Variants in MS4A4E observed in about 807,000 individuals in gnomAD.
The protein encoded by MS4A4E is putative membrane-spanning 4-domains subfamily A member 4E.
A neutral mutation model predicts 13.3 loss-of-function variants in MS4A4E; 23 were observed. The ratio of observed to expected loss-of-function variants is 1.73; its 90% confidence interval spans 1.25 to 2.45. The LOEUF is 2.45. Among genes scored for constraint, MS4A4E ranks in the 30% most tolerant of loss-of-function variants. MS4A4E has a pLI of 0.00. For missense variants in MS4A4E, 144 were observed against 131.2 expected (o/e 1.10, Z -0.48); for synonymous variants, 36 against 45.6 (o/e 0.79, Z 0.85).
intron 5 of MS4A4E, among the ~76,000 whole-genome samples, chr11:60,212,625 C>A (rs1030648532): frequency 1.3e-5 from 2 of 152,178 alleles, no homozygotes; most frequent in African/African-American, 4.8e-5. Context: ...GACTTTTTGA[C>A]GCCATTTTTA....
At chr11:60,236,151 C>T (rs541990259) in intron 1 of MS4A4E, among the ~76,000 whole-genome samples, 7 of 152,232 alleles carry the variant, frequency 4.6e-5, no homozygotes, top group Middle Eastern at 6.8e-3. Flanking sequence ...CAATTCTATT[C>T]CATTGTTCTA....
intron 1 of MS4A4E, among the ~76,000 whole-genome samples, chr11:60,238,577 A>C (rs1169913239): frequency 6.6e-6 from 1 of 152,058 alleles, no homozygotes; most frequent in Non-Finnish European, 1.5e-5. Context: ...AATATAGCTA[A>C]AGGTTTTTCA....
At position 60,222,858 on chromosome 11, in the gene MS4A4E, A is replaced by G. The variant is rs150088195; in HGVS notation, c.178+5736T>C. Among the ~76,000 whole-genome samples, 757 of 152,296 alleles carry G rather than the reference A, an allele frequency of 5.0e-3. 1 individual carries two copies. The highest frequency in any genetic ancestry group is 0.01 in the Middle Eastern group (3 of 294). ...GGTGACTGACCTGGACTATCAAGAT[A>G]AAATTAGTCTACTACTCCACAATGG... On this transcript the variant is annotated intron_variant, in intron 3 of 8. Transcript: ENST00000651255.
At chr11:60,218,499 G>A (rs1347176695) in intron 3 of MS4A4E, among the ~76,000 whole-genome samples, 2 of 152,076 alleles carry the variant, frequency 1.3e-5, no homozygotes, top group African/African-American at 4.8e-5. Context: ...GTCTTCCCTG[G>A]ATGCCCAGCT....
intron 3 of MS4A4E, among the ~76,000 whole-genome samples, chr11:60,228,227 G>A (rs972130236): frequency 5.3e-5 from 8 of 152,014 alleles, no homozygotes; most frequent in East Asian, 1.9e-4. Context: ...AATATACAAC[G>A]AAATTCAAAC....
At chr11:60,229,855 G>T in intron 2 of MS4A4E, 57 bp downstream of exon 2, 1 of 1,529,308 alleles carries the variant, frequency 6.5e-7, no homozygotes, top group Non-Finnish European at 8.8e-7. Context: ...CATTAGCTCT[G>T]ATCAAATGTG....
rs186888255 is a variant in MS4A4E at position 60,227,535 on chromosome 11, C to T, written c.178+1059G>A. Among the ~76,000 whole-genome samples the T allele has an allele frequency of 3.2e-4, 49 of 151,856 alleles. 1 individual carries two copies. Among genetic ancestry groups the T allele is most frequent in the South Asian group, 1.2e-3 (6 of 4,808 alleles). On this transcript the variant is annotated intron_variant, in intron 3 of 8. Coordinates refer to ENST00000651255, the MANE Select transcript of MS4A4E (RefSeq NM_001393391.1). The stretch of plus-strand genomic sequence containing the variant: ...CACTGCACTCCAGCCTGGGTGACAG[C>T]GCCAGACTCCATCTCAAAATATATA...
chr11:60,225,142 T>G (rs1590720477), intron 3 of MS4A4E: 8 of 1,430,598 alleles, frequency 5.6e-6, no homozygotes, highest in Non-Finnish European at 7.4e-6. Flanking sequence ...AAAATGGTGC[T>G]TATGCCACTC....
rs113637568 is a variant in MS4A4E at position 60,236,871 on chromosome 11, G to A, written c.-17+6087C>T. On this transcript the variant is annotated intron_variant, in intron 1 of 8. Coordinates refer to ENST00000651255, the MANE Select transcript of MS4A4E (RefSeq NM_001393391.1). ...CCTGCCTCAGCCTCCCGAATACCTGGGACTACAGGCATGCACCACCACGCC... is the reference window on the plus strand; with the variant it reads ...CCTGCCTCAGCCTCCCGAATACCTGAGACTACAGGCATGCACCACCACGCC... Among the ~76,000 whole-genome samples the A allele has an allele frequency of 3.7e-3, 566 of 151,960 alleles. 4 individuals carry two copies. Among genetic ancestry groups the A allele is most frequent in the African/African-American group, 0.013 (556 of 41,452 alleles).
intron 2 of MS4A4E, among the ~76,000 whole-genome samples, chr11:60,229,505 T>C (rs918358043): frequency 1.3e-5 from 2 of 152,130 alleles, no homozygotes; most frequent in African/African-American, 4.8e-5. Context: ...GAATAGCAGA[T>C]TTTTCATCCT....
chr11:60,225,661 C>G (rs189704091), intron 3 of MS4A4E, among the ~76,000 whole-genome samples: 21 of 151,706 alleles, frequency 1.4e-4, no homozygotes, highest in African/African-American at 5.1e-4. Flanking sequence ...GAAAGCAGTG[C>G]TTAGAAAAAA....
At chr11:60,224,924 A>G (rs1283621463) in intron 3 of MS4A4E, 6 of 1,445,280 alleles carry the variant, frequency 4.2e-6, no homozygotes, top group Non-Finnish European at 5.5e-6. Flanking sequence ...TTACACCTCT[A>G]TTATGTTATA....
chr11:60,205,941 G>A (rs2084033869), intron 6 of MS4A4E, among the ~76,000 whole-genome samples, 121 bp from the exon 7 acceptor site: 1 of 152,160 alleles, frequency 6.6e-6, no homozygotes, highest in Admixed American at 6.5e-5. Context: ...AGAAGGTGGG[G>A]GAAGGGAGAG....
chr11:60,216,752 G>A (rs1490533333), intron 3 of MS4A4E, among the ~76,000 whole-genome samples: 18 of 152,148 alleles, frequency 1.2e-4, no homozygotes, highest in Non-Finnish European at 1.2e-4. Flanking sequence ...GTGTGTCTGT[G>A]AGGGTGTTGA....
At chr11:60,205,352 G>A (rs1225551966) in intron 7 of MS4A4E, among the ~76,000 whole-genome samples, 2 of 152,034 alleles carry the variant, frequency 1.3e-5, no homozygotes, top group South Asian at 2.1e-4. Flanking sequence ...CTTATTCACC[G>A]CTATTTTCTT....
intron 8 of MS4A4E, among the ~76,000 whole-genome samples, chr11:60,203,947 CATA>C (rs1265063436): frequency 2.0e-5 from 3 of 152,140 alleles, no homozygotes; most frequent in Non-Finnish European, 4.4e-5. Flanking sequence ...AAGTTGAAAT[CATA>C]ATATTTTGCA....
intron 1 of MS4A4E, among the ~76,000 whole-genome samples, chr11:60,234,766 C>A (rs2084458467): frequency 7.2e-6 from 1 of 138,252 alleles, no homozygotes; most frequent in African/African-American, 2.7e-5. Flanking sequence ...AAACAAATAT[C>A]TACAAAAACA....
chr11:60,207,639 G>A (rs2084064909), intron 6 of MS4A4E, among the ~76,000 whole-genome samples: 2 of 152,196 alleles, frequency 1.3e-5, no homozygotes. Flanking sequence ...TTTGGCTGAC[G>A]GTTTTGTCTG....
intron 6 of MS4A4E, among the ~76,000 whole-genome samples, chr11:60,207,897 A>G (rs1240512095): frequency 6.6e-6 from 1 of 152,198 alleles, no homozygotes; most frequent in Non-Finnish European, 1.5e-5. Flanking sequence ...ACAGACTGAT[A>G]GAGAAGTCTG....
Sources: gnomAD v4.1 joint callset for allele counts (sites outside exome capture counted in the v4.1 genomes callset) on GRCh38, gnomAD v4.1.1 for gene constraint, MANE v1.5 for transcripts, NCBI Gene and HGNC (gene_info 2026-07-23, HGNC 2026-07-21) for gene names.